The following RGSL1 variants were observed in gnomAD, a reference collection of about 807,000 sequenced individuals.
RGSL1 encodes regulator of G protein signaling like 1.
A neutral mutation model predicts 124.7 loss-of-function variants in RGSL1; 97 were observed. The observed-to-expected ratio is 0.78, with a 90% CI of 0.66 to 0.92. The LOEUF (loss-of-function observed/expected upper bound fraction) is 0.92, where lower values mean the gene tolerates loss of function less well. Among genes scored for constraint, RGSL1 ranks in the 40% least tolerant of loss-of-function variants. The pLI, the probability that RGSL1 is intolerant of heterozygous loss-of-function variation, is 0.00. For synonymous variants in RGSL1, 424 were observed against 438.1 expected, an observed-to-expected ratio of 0.97 and a Z score of 0.40; for missense variants, 1,233 against 1,288.4, an observed-to-expected ratio of 0.96 and a Z score of 0.66.
chr1:182,469,230 A>G (rs1377630132), intron 4 of RGSL1, among the ~76,000 whole-genome samples: 3 of 152,150 alleles, frequency 2.0e-5, no homozygotes, highest in African/African-American at 7.2e-5. Context: ...AGGCAGCCTA[A>G]AGAATGGAAG....
At position 182,527,739 on chromosome 1, in the gene RGSL1, A is replaced by G; in HGVS notation, c.2092A>G (p.Ile698Val). ...KICKSLIENV[I>V]KTFFQGQLSP... ...TTGCAAGTCTCTCATAGAAAATGTA[A>G]TCAAGACTTTCTTCCAAGGCCAACT... is the stretch of plus-strand genomic sequence containing the variant. The change falls in exon 11 of 22, where the codon ATC becomes GTC. Residue 698 changes from isoleucine (I) to valine (V), a missense_variant. Transcript: ENST00000294854. The G allele has an allele frequency of 3.2e-6, 5 of 1,550,928 alleles. No homozygotes were observed. Among genetic ancestry groups the G allele is most frequent in the Middle Eastern group, 3.3e-4 (2 of 5,982 alleles).
At chr1:182,519,785 C>T (rs537505590) in intron 9 of RGSL1, among the ~76,000 whole-genome samples, 2 of 151,782 alleles carry the variant, frequency 1.3e-5, no homozygotes, top group African/African-American at 2.4e-5. Context: ...TGGATATGTC[C>T]TTTGCATCTA....
intron 4 of RGSL1, among the ~76,000 whole-genome samples, chr1:182,470,592 C>A (rs1289756562): frequency 1.3e-5 from 2 of 152,108 alleles, no homozygotes; most frequent in Non-Finnish European, 2.9e-5. Flanking sequence ...TATCCCGTTC[C>A]ACATTTTTTC....
intron 6 of RGSL1, among the ~76,000 whole-genome samples, chr1:182,479,517 G>T (rs2102059166): frequency 6.6e-6 from 1 of 151,988 alleles, no homozygotes; most frequent in South Asian, 2.1e-4. Flanking sequence ...AAGATAAAAA[G>T]AAAATAAAGT....
At position 182,548,304 on chromosome 1, in the gene RGSL1, A is replaced by T. The variant is rs1195194723; in HGVS notation, c.2670-13A>T. ...TTCTCCTCCTGATTTCCTACTTCAC[A>T]TTTCTTTTTTAGATTTAATGATCTG... On this transcript the variant is annotated splice_polypyrimidine_tract_variant and intron_variant, in intron 15 of 21. Coordinates refer to ENST00000294854, the MANE Select transcript of RGSL1 (RefSeq NM_001137669.2). 2 of 1,551,498 alleles carry T rather than the reference A, an allele frequency of 1.3e-6. No homozygotes were observed. Among genetic ancestry groups the T allele is most frequent in the African/African-American group, 2.7e-5 (2 of 72,928 alleles).
In RGSL1 at chr1:182,559,358, A is replaced by T. The variant is rs561527792; in HGVS notation, c.*166-921A>T. Among the ~76,000 whole-genome samples the T allele has an allele frequency of 5.3e-4, 80 of 152,216 alleles. No individual in the cohort carries two copies. The East Asian group carries it at 0.015, about 28-fold the overall frequency. On this transcript the variant is annotated intron_variant, in intron 21 of 21. Coordinates refer to ENST00000294854, the MANE Select transcript of RGSL1 (RefSeq NM_001137669.2). ...AGCTAGAAAACTCAGAATCATCCTC[A>T]ACTCATTCCTCTGCCTCCCCTCCCA...
upstream of RGSL1, among the ~76,000 whole-genome samples, chr1:182,449,514 C>A (rs1173215505): frequency 3.3e-5 from 5 of 152,160 alleles, no homozygotes. Flanking sequence ...GGTCTCTCAT[C>A]TTAATATTTA....
At chr1:182,529,083 T>C (rs1283253806) in intron 11 of RGSL1, among the ~76,000 whole-genome samples, 1 of 152,200 alleles carries the variant, frequency 6.6e-6, no homozygotes, top group Non-Finnish European at 1.5e-5. Flanking sequence ...ATTATTACAA[T>C]TCAAGGTGAG....
intron 21 of RGSL1, among the ~76,000 whole-genome samples, chr1:182,556,459 T>C (rs78884630): frequency 6.6e-6 from 1 of 152,348 alleles, no homozygotes; most frequent in East Asian, 1.9e-4. Flanking sequence ...ATCTCTCATT[T>C]AGACAATGAC....
intron 10 of RGSL1, 88 bp downstream of exon 10, chr1:182,522,197 A>G (rs1379846288): frequency 1.1e-6 from 1 of 902,674 alleles, no homozygotes; most frequent in Admixed American, 2.6e-5. Context: ...TTATCTTTCT[A>G]TGTGTAGGTT....
At chr1:182,481,547 C>T (rs557683689) in intron 6 of RGSL1, among the ~76,000 whole-genome samples, 1 of 152,258 alleles carries the variant, frequency 6.6e-6, no homozygotes, top group South Asian at 2.1e-4. Flanking sequence ...TTAAACTCTT[C>T]CCAAAAGTAT....
chr1:182,496,586 A>G (rs1655930248), intron 9 of RGSL1, among the ~76,000 whole-genome samples: 1 of 152,110 alleles, frequency 6.6e-6, no homozygotes, highest in Admixed American at 6.6e-5. Context: ...GTCTTTTCCC[A>G]CTACTGATAC....
chr1:182,485,453 C>G (rs536394429), intron 6 of RGSL1, among the ~76,000 whole-genome samples: 3 of 152,340 alleles, frequency 2.0e-5, no homozygotes, highest in Admixed American at 6.5e-5. Flanking sequence ...CATCACTCAT[C>G]TTGATCCTTG....
At chr1:182,468,534 G>A (rs925913215) in intron 4 of RGSL1, among the ~76,000 whole-genome samples, 9 of 152,030 alleles carry the variant, frequency 5.9e-5, no homozygotes, top group African/African-American at 1.2e-4. Context: ...ACCAAACACC[G>A]CATGTTCTCA....
chr1:182,459,899 C>T, intron 3 of RGSL1, 105 bp from the exon 4 acceptor site: 1 of 1,361,714 alleles, frequency 7.3e-7, no homozygotes, highest in Non-Finnish European at 9.9e-7. Flanking sequence ...TCCTTCTGGC[C>T]AGACACTGCA....
At position 182,473,958 on chromosome 1, in the gene RGSL1, T is replaced by C. The variant is rs1412005081; in HGVS notation, c.847T>C (p.Cys283Arg). ...TATTGGTATGCCCCTACAGGAGACA[T>C]GTCCTCAAGAGAAGGTGGTTATACA... Reference protein sequence around the residue: ...DAIGMPLQETCPQEKVVIQMP... With the variant: ...DAIGMPLQETRPQEKVVIQMP... Residue 283 changes from cysteine (C) to arginine (R), a missense_variant, in exon 6 of 22, where the codon TGT becomes CGT. Physicochemically the swap from Cys to Arg is radical, Grantham distance 180 (BLOSUM62 -3). Transcript: ENST00000294854. 51 of 1,551,938 alleles carry C rather than the reference T, an allele frequency of 3.3e-5. No homozygotes were observed. Among genetic ancestry groups the C allele is most frequent in the Non-Finnish European group, 4.2e-5 (48 of 1,147,070 alleles).
At chr1:182,454,773 TA>T (rs1652160378) in intron 2 of RGSL1, among the ~76,000 whole-genome samples, 1 of 152,220 alleles carries the variant, frequency 6.6e-6, no homozygotes, top group Non-Finnish European at 1.5e-5. Flanking sequence ...TCTATGCAAC[TA>T]AAACAAACCT....
chr1:182,501,131 C>T (rs1476916322), intron 9 of RGSL1, among the ~76,000 whole-genome samples: 1 of 151,942 alleles, frequency 6.6e-6, no homozygotes, highest in African/African-American at 2.4e-5. Flanking sequence ...GTGACTTTGC[C>T]TTTTATCATG....
chr1:182,468,983 A>C (rs143889310), intron 4 of RGSL1, among the ~76,000 whole-genome samples: 150 of 152,236 alleles, frequency 9.9e-4, no homozygotes, highest in African/African-American at 3.5e-3. Flanking sequence ...AAATAATGAA[A>C]TTGGACCCTT....
Sources: gnomAD v4.1 joint callset for allele counts (sites outside exome capture counted in the v4.1 genomes callset) on GRCh38, gnomAD v4.1.1 for gene constraint, MANE v1.5 for transcripts, NCBI Gene and HGNC (gene_info 2026-07-23, HGNC 2026-07-21) for gene names.